LILRB5: variants seen among roughly 807,000 people sequenced by gnomAD.
The protein encoded by LILRB5 is leukocyte immunoglobulin-like receptor subfamily B member 5.
A neutral mutation model predicts 68.4 loss-of-function variants in LILRB5; 61 were observed. The ratio of observed to expected loss-of-function variants is 0.89; its 90% CI spans 0.73 to 1.10. LILRB5 has a LOEUF of 1.10. LILRB5 is among the 50% of genes least tolerant of loss of function. The pLI is 0.00. For synonymous variants in LILRB5, 356 were observed against 315.8 expected, an observed-to-expected ratio of 1.13 and a Z score of -1.35; for missense variants, 771 against 751.6, an observed-to-expected ratio of 1.03 and a Z score of -0.30.
chr19:54,251,277 A>G (rs1484109390), intron 12 of LILRB5: 2 of 923,506 alleles, frequency 2.2e-6, no homozygotes, highest in Non-Finnish European at 3.3e-6. Context: ...TCCTGATGGA[A>G]TCTCAGGGAC....
In LILRB5 at chr19:54,257,195, G is replaced by A. The variant is rs147711409; in HGVS notation, c.-2C>T. Reference sequence around the variant, plus strand: ...CAGGACTGAGAGGGTGAGGGTCATGGCGTCAGCTCCCACTGGACTCAGCTG... The same window carrying A: ...CAGGACTGAGAGGGTGAGGGTCATGACGTCAGCTCCCACTGGACTCAGCTG... On this transcript the variant is annotated 5_prime_UTR_variant, in exon 1 of 13. Transcript: ENST00000449561. 5.7e-4 allele frequency: 919 copies of A among 1,614,194 alleles called. 2 individuals carry two copies. The African/African-American group carries it at 0.01, about 18-fold the overall frequency.
In LILRB5 at chr19:54,256,214, G is replaced by A. The variant is rs1312509839; in HGVS notation, c.484C>T (p.Leu162Phe). The A allele has an allele frequency of 9.9e-6, 16 of 1,614,016 alleles. No homozygotes were observed. Among genetic ancestry groups the A allele is most frequent in the Admixed American group, 1.7e-5 (1 of 60,016 alleles). ...TFVLVEEEQK[L>F]PRTLYSQKLP... ...TTCTGTGAGTACAGGGTCCTGGGGA[G>A]CTTCTGTTCTTCCTCAACAAGAACA... Residue 162 changes from leucine to phenylalanine, a missense_variant, in exon 4 of 13, where the codon CTC (leucine) becomes TTC (phenylalanine). By Grantham distance (22) the Leu-to-Phe change is conservative (BLOSUM62 0). Transcript: ENST00000449561.
chr19:54,254,586 C>T, intron 6 of LILRB5, 149 bp downstream of exon 6: 1 of 1,247,006 alleles, frequency 8.0e-7, no homozygotes, highest in Non-Finnish European at 1.1e-6. Context: ...CGTTGTCCTC[C>T]TCCCCTCTGA....
chr19:54,257,161 G>T lies in LILRB5; in HGVS notation c.33C>A (p.Leu11=). 1 of 1,614,188 alleles carries T rather than the reference G, an allele frequency of 6.2e-7. No individual in the cohort carries two copies. The highest frequency in any genetic ancestry group is 8.5e-7 in the Non-Finnish European group (1 of 1,180,026). ...TCCTTCCCCCTCTTCAAACCTCACCGAGGCAAATCAGGACTGAGAGGGTGA... is the reference window on the plus strand; with the variant it reads ...TCCTTCCCCCTCTTCAAACCTCACCTAGGCAAATCAGGACTGAGAGGGTGA... MTLTLSVLIC[L]GLSVGPRTCV... The change falls in exon 1 of 13, where the codon CTC becomes CTA. Residue 11 remains leucine, a splice_region_variant and synonymous_variant. Transcript: ENST00000449561.
chr19:54,252,627 A>G, intron 9 of LILRB5, 78 bp from the exon 10 acceptor site: 7 of 1,538,260 alleles, frequency 4.6e-6, no homozygotes, highest in Non-Finnish European at 6.2e-6. Flanking sequence ...GAGCGGAAAG[A>G]AGGAAACCTG....
At position 54,252,391 on chromosome 19, in the gene LILRB5, A is replaced by G; in HGVS notation, c.1551T>C (p.Val517=). ...TGAGAATTTCCTCCTGGATGTCAGCAACTGGGCTGGCCCTGGGGGAGGACA... is the reference window on the plus strand; with the variant it reads ...TGAGAATTTCCTCCTGGATGTCAGCGACTGGGCTGGCCCTGGGGGAGGACA... ...DQGLQKRASP[V]ADIQEEILNA... is the part of the protein sequence containing the mutation. The change falls in exon 11 of 13, where the codon GTT becomes GTC. Residue 517 remains valine, a synonymous_variant. Coordinates refer to ENST00000449561, the MANE Select transcript of LILRB5 (RefSeq NM_001081442.3). 6.2e-7 allele frequency: 1 copy of G among 1,614,122 alleles called. No individual in the cohort carries two copies. Among genetic ancestry groups the G allele is most frequent in the South Asian group, 1.1e-5 (1 of 91,078 alleles).
intron 2 of LILRB5, 87 bp from the exon 3 acceptor site, chr19:54,256,860 T>G (rs766608334): frequency 1.2e-6 from 2 of 1,607,572 alleles, no homozygotes; most frequent in Non-Finnish European, 1.7e-6. Context: ...GACGTCCCCA[T>G]CAGTCAGCCC....
Position 54,252,177 on chromosome 19 carries a change from G to T in LILRB5, c.1577-71C>A, listed in dbSNP as rs377318448. On this transcript the variant is annotated intron_variant, in intron 11 of 12. Transcript: ENST00000449561. ...AGACTTCTCCGTCCTGCCAGCCCTT[G>T]CCCTGTTCCCACTAGGGTGGCTGAG... 1.6e-4 allele frequency: 250 copies of T among 1,561,884 alleles called. No individual in the cohort carries two copies. The African/African-American group carries it at 3.0e-3, about 19-fold the overall frequency.
intron 3 of LILRB5, 57 bp from the exon 4 acceptor site, chr19:54,256,399 G>A: frequency 6.3e-7 from 1 of 1,590,696 alleles, no homozygotes; most frequent in Non-Finnish European, 8.6e-7. Context: ...ATCATCCCCA[G>A]GGCTGGGCTG....
chr19:54,255,945 T>A (rs1383996775), intron 4 of LILRB5, 98 bp downstream of exon 4: 2 of 1,022,348 alleles, frequency 2.0e-6, no homozygotes, highest in African/African-American at 3.2e-5. Context: ...CATCAACACA[T>A]CCTTCTGGGG....
rs117986724 is a variant in LILRB5, at chr19:54,253,051, G to A, written c.1358-64C>T. ...TGATGTGAGCACCTTCTGTGTGCAG[G>A]CGCGAGCTAGGTCTTTCCTTCATGA... On this transcript the variant is annotated intron_variant, in intron 8 of 12. Transcript: ENST00000449561. 989 of 1,098,820 alleles carry A rather than the reference G, an allele frequency of 9.0e-4. 20 individuals are homozygous for A. The East Asian group carries it at 0.029, about 33-fold the overall frequency. The allele number at this position is 1,098,820 out of a possible 1,614,324, so 68.1% of individuals were successfully genotyped here.
rs777954706 is a variant in LILRB5, at chr19:54,255,357, C to G, written c.881G>C (p.Arg294Thr). The change falls in exon 5 of 13, where the codon AGA becomes ACA. Residue 294 changes from arginine to threonine, a missense_variant. By Grantham distance (71) the Arg-to-Thr change is moderately conservative. Coordinates refer to ENST00000449561, the MANE Select transcript of LILRB5 (RefSeq NM_001081442.3). ...GGAGAGGTTGTGTGCACCGTAGCAT[C>G]TGTACTGGCCCCCGTGGGAGCGGCT... ...PVSRSHGGQY[R>T]CYGAHNLSPR... 1.9e-6 allele frequency: 3 copies of G among 1,614,090 alleles called. No individual in the cohort carries two copies. The highest frequency in any genetic ancestry group is 1.7e-6 in the Non-Finnish European group (2 of 1,180,010).
Position 54,252,920 on chromosome 19 carries a change from G to A in LILRB5, c.1425C>T (p.Leu475=), listed in dbSNP as rs747744108. The change falls in exon 9 of 13, where the codon CTC becomes CTT. Residue 475 remains leucine, a synonymous_variant. Transcript: ENST00000449561. ...GCCGATGTCGGAGGAGGAGGAAGAGGAGGAGGAACAGCAGCAGGACGAAGG... is the reference window on the plus strand; with the variant it reads ...GCCGATGTCGGAGGAGGAGGAAGAGAAGGAGGAACAGCAGCAGGACGAAGG... ...SVAFVLLLFL[L]LFLLLRHRHQ... The A allele has an allele frequency of 6.9e-6, 11 of 1,594,478 alleles. No homozygotes were observed. Among genetic ancestry groups the A allele is most frequent in the Admixed American group, 3.4e-5 (2 of 59,264 alleles).
At position 54,250,219 on chromosome 19, in the gene LILRB5, G is replaced by C. The variant is rs1344372329; in HGVS notation, c.*567C>G. ...CACCCCCATATGGAAATGTGTGCCT[G>C]AACCCCGCTTTTTTCCTTGCTTATT... On this transcript the variant is annotated 3_prime_UTR_variant, in exon 13 of 13. Coordinates refer to ENST00000449561, the MANE Select transcript of LILRB5 (RefSeq NM_001081442.3). The C allele has an allele frequency of 6.5e-6, 1 of 154,064 alleles. No homozygotes were observed. The highest frequency in any genetic ancestry group is 1.4e-5 in the Non-Finnish European group (1 of 69,316). 9.5% of individuals were successfully genotyped at this position (154,064 alleles called of 1,614,324 possible). A position where few individuals can be genotyped will look rare whatever the true frequency, so the allele number is the denominator to read the frequency against.
Position 54,253,676 on chromosome 19 carries a change from G to C in LILRB5, c.1357+342C>G, listed in dbSNP as rs531756402. 7.0e-6 allele frequency: 5 copies of C among 717,076 alleles called. No homozygotes were observed. In the African/African-American group the frequency reaches 9.0e-5, roughly 13 times the overall value. The allele number at this position is 717,076 out of a possible 1,614,324, so 44.4% of individuals were successfully genotyped here. ...CCTGCCTGGGCCCACGGTGGGATGC[G>C]GCAGAGCTGGGAAGTGAACCCAGGA... On this transcript the variant is annotated intron_variant, in intron 8 of 12. Transcript: ENST00000449561.
At chr19:54,254,559 C>T (rs1387005793) in intron 6 of LILRB5, 144 bp from the exon 7 acceptor site, 1 of 1,260,000 alleles carries the variant, frequency 7.9e-7, no homozygotes, top group Admixed American at 2.1e-5. Flanking sequence ...CAAGTGTGGG[C>T]ATGCCTGGGG....
chr19:54,257,217 G>C lies in LILRB5; in HGVS notation c.-24C>G. The C allele has an allele frequency of 6.2e-7, 1 of 1,614,160 alleles. No homozygotes were observed. Among genetic ancestry groups the C allele is most frequent in the Non-Finnish European group, 8.5e-7 (1 of 1,180,018 alleles). On this transcript the variant is annotated 5_prime_UTR_variant, in exon 1 of 13. Coordinates refer to ENST00000449561, the MANE Select transcript of LILRB5 (RefSeq NM_001081442.3). Reference sequence around the variant, plus strand: ...ATGGCGTCAGCTCCCACTGGACTCAGCTGTGCAGGCGGATGAGACCACGGT... The same window carrying C: ...ATGGCGTCAGCTCCCACTGGACTCACCTGTGCAGGCGGATGAGACCACGGT...
At chr19:54,251,081 G>A in intron 12 of LILRB5, 149 bp from the exon 13 acceptor site, 2 of 1,467,574 alleles carry the variant, frequency 1.4e-6, no homozygotes, top group East Asian at 2.2e-5. Flanking sequence ...AGACAGTGGG[G>A]AAGGAGGAGA....
chr19:54,253,014 G>A, intron 8 of LILRB5, 27 bp from the exon 9 acceptor site: 1 of 1,472,728 alleles, frequency 6.8e-7, no homozygotes, highest in Non-Finnish European at 9.2e-7. Flanking sequence ...TTGGGAATGG[G>A]GATGACGTCA....
Sources: gnomAD v4.1 joint callset for allele counts on GRCh38, gnomAD v4.1.1 for gene constraint, MANE v1.5 for transcripts, NCBI Gene and HGNC (gene_info 2026-07-23, HGNC 2026-07-21) for gene names.